The following COL6A6 variants were observed in gnomAD, a reference collection of about 807,000 sequenced individuals.
COL6A6 encodes collagen type VI alpha 6 chain.
COL6A6 carries 183 observed loss-of-function variants against 208.6 expected under a neutral mutation model. The observed-to-expected ratio is 0.88, with a 90% CI of 0.78 to 0.99. The LOEUF is 0.99. Among genes scored for constraint, COL6A6 ranks in the 50% least tolerant of loss-of-function variants. The pLI, the probability that COL6A6 is intolerant of heterozygous loss-of-function variation, is 0.00. For synonymous variants in COL6A6, 973 were observed against 1,011.8 expected, an observed-to-expected ratio of 0.96 and a Z score of 0.73; for missense variants, 2,816 against 2,815.2, an observed-to-expected ratio of 1.00 and a Z score of -0.01.
chr3:130,571,911 G>A (rs1423968451), intron 7 of COL6A6, among the ~76,000 whole-genome samples: 5 of 139,434 alleles, frequency 3.6e-5, no homozygotes, highest in Non-Finnish European at 7.5e-5. Flanking sequence ...TCAAACTCCT[G>A]GATTCAAGCC....
chr3:130,626,296 A>G (rs2064882727), intron 24 of COL6A6, among the ~76,000 whole-genome samples, 189 bp from the exon 25 acceptor site: 1 of 152,216 alleles, frequency 6.6e-6, no homozygotes, highest in Non-Finnish European at 1.5e-5. Flanking sequence ...ACAATAAATC[A>G]TGCTTGCTGA....
At chr3:130,575,931 C>A (rs1398116145) in intron 8 of COL6A6, among the ~76,000 whole-genome samples, 1 of 151,996 alleles carries the variant, frequency 6.6e-6, no homozygotes, top group Non-Finnish European at 1.5e-5. Context: ...TGTCTCTATT[C>A]CAGAGTGTCC....
chr3:130,542,577 C>CTGA (rs1363248015), intron 1 of COL6A6, among the ~76,000 whole-genome samples: 2 of 152,102 alleles, frequency 1.3e-5, no homozygotes, highest in Admixed American at 1.3e-4. Flanking sequence ...TATGTCCTCA[C>CTGA]TGATTTTCTG....
intron 11 of COL6A6, 121 bp from the exon 12 acceptor site, chr3:130,588,969 A>G: frequency 3.6e-6 from 2 of 551,746 alleles, no homozygotes; most frequent in Middle Eastern, 7.1e-4. Context: ...AAGCACAGTC[A>G]TTTGAATGGT....
rs763699033 is a variant in COL6A6, at chr3:130,586,533, T to C, written c.3998T>C (p.Leu1333Pro). ...EGLNALITVA[L>P]DGPADSSDLA... ...CTGAATGCCCTCATAACTGTTGCTCTGGATGGACCTGCTGATTCAAGTGAC... is the reference window on the plus strand; with the variant it reads ...CTGAATGCCCTCATAACTGTTGCTCCGGATGGACCTGCTGATTCAAGTGAC... The change falls in exon 11 of 37, where the codon CTG becomes CCG. Residue 1333 changes from leucine to proline, a missense_variant. By Grantham distance (98) the Leu-to-Pro change is moderately conservative. Coordinates refer to ENST00000358511, the MANE Select transcript of COL6A6 (RefSeq NM_001102608.3). 5.0e-6 allele frequency: 8 copies of C among 1,613,640 alleles called. No individual in the cohort carries two copies.
intron 11 of COL6A6, among the ~76,000 whole-genome samples, chr3:130,588,794 T>C (rs376591618): frequency 1.1e-4 from 16 of 152,082 alleles, no homozygotes; most frequent in Middle Eastern, 6.8e-3. Flanking sequence ...ACCACATCAG[T>C]TGGCATGCAG....
intron 33 of COL6A6, among the ~76,000 whole-genome samples, chr3:130,657,062 C>A (rs957421283): frequency 6.6e-6 from 1 of 152,362 alleles, no homozygotes; most frequent in Non-Finnish European, 1.5e-5. Context: ...GAGGGCAGGG[C>A]CCCTGCCTAC....
intron 33 of COL6A6, among the ~76,000 whole-genome samples, chr3:130,656,977 G>C (rs983542104): frequency 6.6e-6 from 1 of 152,234 alleles, no homozygotes; most frequent in Non-Finnish European, 1.5e-5. Flanking sequence ...TAGGGGCAAG[G>C]GGTTTCCCAG....
chr3:130,651,713 T>C (rs1336718479), intron 33 of COL6A6, among the ~76,000 whole-genome samples: 1 of 152,108 alleles, frequency 6.6e-6, no homozygotes, highest in African/African-American at 2.4e-5. Context: ...CAATAAGTGA[T>C]TTTGGTTACA....
At chr3:130,529,549 G>T (rs1399067270) in intron 1 of COL6A6, among the ~76,000 whole-genome samples, 1 of 152,174 alleles carries the variant, frequency 6.6e-6, no homozygotes, top group Non-Finnish European at 1.5e-5. Flanking sequence ...TCCCCTCTGG[G>T]CCTTTCCAGA....
chr3:130,609,913 A>C (rs1375181230), intron 22 of COL6A6, among the ~76,000 whole-genome samples: 1 of 136,670 alleles, frequency 7.3e-6, no homozygotes, highest in Non-Finnish European at 1.6e-5. Flanking sequence ...TAGCTTGATT[A>C]CTTTTCTTTG....
chr3:130,640,603 T>C (rs1576378666), intron 28 of COL6A6, among the ~76,000 whole-genome samples: 1 of 152,370 alleles, frequency 6.6e-6, no homozygotes, highest in East Asian at 1.9e-4. Context: ...GATTTTAAAC[T>C]TCATTTTTTA....
chr3:130,522,739 A>G (rs1316071385), intron 1 of COL6A6, among the ~76,000 whole-genome samples: 1 of 152,140 alleles, frequency 6.6e-6, no homozygotes. Context: ...ACTTTGAAGT[A>G]GCCTTGAGGA....
In COL6A6 at chr3:130,634,538, A is replaced by T. The variant is rs183630802; in HGVS notation, c.4993-52A>T. ...GCAGGTAAATTGAAAATCAATGTAG[A>T]CTTCATTGGGTGATGTGTGCCTGTA... On this transcript the variant is annotated intron_variant, in intron 26 of 36. Transcript: ENST00000358511. The T allele has an allele frequency of 2.9e-4, 436 of 1,497,398 alleles. 1 individual carries two copies. The African/African-American group carries it at 5.3e-3, about 18-fold the overall frequency. The allele number at this position is 1,497,398 out of a possible 1,614,324, so 92.8% of individuals were successfully genotyped here.
intron 1 of COL6A6, among the ~76,000 whole-genome samples, chr3:130,531,802 C>G (rs2062102976): frequency 6.6e-6 from 1 of 152,176 alleles, no homozygotes; most frequent in African/African-American, 2.4e-5. Context: ...CTCGTTCTTG[C>G]TGAATTTCAG....
chr3:130,631,228 T>C (rs2065000864), intron 26 of COL6A6, among the ~76,000 whole-genome samples: 1 of 91,760 alleles, frequency 1.1e-5, no homozygotes, highest in Non-Finnish European at 1.8e-5. Context: ...TCACCACCGA[T>C]CCCACAGAAA....
intron 12 of COL6A6, among the ~76,000 whole-genome samples, chr3:130,590,245 T>C (rs1194155522): frequency 7.8e-6 from 1 of 127,442 alleles, no homozygotes. Flanking sequence ...ATTCCATTTC[T>C]TTTTTTTTCA....
intron 32 of COL6A6, among the ~76,000 whole-genome samples, chr3:130,648,097 G>A (rs1036899630): frequency 6.6e-6 from 1 of 152,194 alleles, no homozygotes; most frequent in South Asian, 2.1e-4. Context: ...ACTGTGACAA[G>A]TGCAAAGTAC....
chr3:130,565,714 G>T, intron 4 of COL6A6, 100 bp downstream of exon 4: 4 of 1,326,668 alleles, frequency 3.0e-6, no homozygotes, highest in Non-Finnish European at 4.0e-6. Context: ...GATGTGGATG[G>T]GAAGGATAAG....
Sources: gnomAD v4.1 joint callset for allele counts (sites outside exome capture counted in the v4.1 genomes callset) on GRCh38, gnomAD v4.1.1 for gene constraint, MANE v1.5 for transcripts, NCBI Gene and HGNC (gene_info 2026-07-23, HGNC 2026-07-21) for gene names.